The following ATE1 variants were observed in gnomAD, a reference collection of about 807,000 sequenced individuals.
ATE1 encodes the protein arginyltransferase 1, also known as arginyl-tRNA--protein transferase 1.
A neutral mutation model predicts 70.5 loss-of-function variants in ATE1; 36 were observed. The ratio of observed to expected loss-of-function variants is 0.51; its 90% confidence interval spans 0.39 to 0.67. The LOEUF is 0.67. ATE1 is among the 30% of genes least tolerant of loss of function. ATE1 has a pLI of 0.00. For missense variants in ATE1, 593 were observed against 629.5 expected, an observed-to-expected ratio of 0.94 and a Z score of 0.62; for synonymous variants, 232 against 219.3, an observed-to-expected ratio of 1.06 and a Z score of -0.51.
chr10:121,818,386 T>A (rs1026285707), intron 10 of ATE1, among the ~76,000 whole-genome samples: 6 of 149,152 alleles, frequency 4.0e-5, no homozygotes, highest in African/African-American at 7.4e-5. Flanking sequence ...GGCAAAAACA[T>A]CAGCACGTGA....
intron 10 of ATE1, among the ~76,000 whole-genome samples, chr10:121,820,235 AAT>A (rs1466702723): frequency 2.0e-5 from 3 of 152,218 alleles, no homozygotes; most frequent in African/African-American, 7.2e-5. Flanking sequence ...GTCACCTAAC[AAT>A]ATGATGAAAA....
rs1049349908 is a variant in ATE1, at chr10:121,743,785, A to C, written c.1452T>G (p.Val484=). Residue 484 remains valine (V), a synonymous_variant, in exon 12 of 12, where the codon GTT becomes GTG. Coordinates refer to ENST00000224652, the MANE Select transcript of ATE1 (RefSeq NM_001001976.3). ...FHKRAIMPYG[V]YKKQQKDPSE... ...TTGGGTCTTTCTGCTGTTTCTTATA[A>C]ACACCGTAAGGCATGATGGCTCTCT... 1.2e-6 allele frequency: 2 copies of C among 1,613,958 alleles called. No individual in the cohort carries two copies. Among genetic ancestry groups the C allele is most frequent in the African/African-American group, 2.7e-5 (2 of 74,864 alleles).
At chr10:121,902,022 C>T (rs1950999972) in intron 6 of ATE1, among the ~76,000 whole-genome samples, 1 of 152,080 alleles carries the variant, frequency 6.6e-6, no homozygotes, top group South Asian at 2.1e-4. Context: ...AGTGATTTGC[C>T]TTGTGTAATC....
intron 3 of ATE1, among the ~76,000 whole-genome samples, chr10:121,918,904 G>A (rs543521009): frequency 6.6e-6 from 1 of 152,078 alleles, no homozygotes; most frequent in Non-Finnish European, 1.5e-5. Flanking sequence ...CGCCCCAATC[G>A]GCGCTCTGTA....
chr10:121,897,700 C>T (rs923723623), intron 7 of ATE1, among the ~76,000 whole-genome samples: 3 of 152,000 alleles, frequency 2.0e-5, no homozygotes, highest in Non-Finnish European at 4.4e-5. Flanking sequence ...GTGGCACGCG[C>T]CTGTAGTCCC....
intron 11 of ATE1, among the ~76,000 whole-genome samples, chr10:121,747,635 C>T (rs1944423012): frequency 6.6e-6 from 1 of 152,194 alleles, no homozygotes; most frequent in African/African-American, 2.4e-5. Context: ...CTCAGCAACA[C>T]CACTGCCTGT....
intron 1 of ATE1, chr10:121,927,288 T>G: frequency 1.0e-6 from 1 of 984,214 alleles, no homozygotes; most frequent in Non-Finnish European, 1.2e-6. Flanking sequence ...ACAAACAGAA[T>G]CCCTCGCCGG....
chr10:121,748,027 TCAG>T (rs1436877969), intron 11 of ATE1, among the ~76,000 whole-genome samples: 1 of 152,192 alleles, frequency 6.6e-6, no homozygotes, highest in Non-Finnish European at 1.5e-5. Context: ...ATCGGTGAGA[TCAG>T]CAAGTGAAAA....
At chr10:121,829,868 C>A (rs1344420399) in intron 10 of ATE1, among the ~76,000 whole-genome samples, 2 of 152,140 alleles carry the variant, frequency 1.3e-5, no homozygotes, top group Non-Finnish European at 2.9e-5. Context: ...TACATACTTT[C>A]ATGCTAAGAA....
rs577432036 is a variant in ATE1, at chr10:121,766,928, G to A, written c.1379-23070C>T. Reference sequence around the variant, plus strand: ...AAACCCATTCCACACAATCCCTTTCGGAGAATAAAAGAGGAGGAAATCCAA... The same window carrying A: ...AAACCCATTCCACACAATCCCTTTCAGAGAATAAAAGAGGAGGAAATCCAA... On this transcript the variant is annotated intron_variant, in intron 11 of 11. Transcript: ENST00000224652. 1.3e-4 allele frequency among the ~76,000 whole-genome samples: 20 copies of A among 152,112 alleles called. No homozygotes were observed. The South Asian group carries it at 2.7e-3, about 21-fold the overall frequency.
intron 11 of ATE1, among the ~76,000 whole-genome samples, chr10:121,782,327 G>A (rs1251381110): frequency 6.6e-6 from 1 of 152,176 alleles, no homozygotes; most frequent in African/African-American, 2.4e-5. Flanking sequence ...AATATTTACA[G>A]ATAATTCACA....
rs545250299 is a variant in ATE1 at position 121,889,666 on chromosome 10, T to C, written c.942+10200A>G. Among the ~76,000 whole-genome samples the C allele has an allele frequency of 1.1e-4, 16 of 152,166 alleles. No homozygotes were observed. The South Asian group carries it at 2.1e-3, about 20-fold the overall frequency. On this transcript the variant is annotated intron_variant, in intron 7 of 11. Coordinates refer to ENST00000224652, the MANE Select transcript of ATE1 (RefSeq NM_001001976.3). Reference sequence around the variant, plus strand: ...AAAGGAAAAAAATTAAAAATTAGCCTGGCATGGTGGTCCACTCCTGTAGTC... The same window carrying C: ...AAAGGAAAAAAATTAAAAATTAGCCCGGCATGGTGGTCCACTCCTGTAGTC...
chr10:121,806,058 T>C (rs1362965588), intron 10 of ATE1, among the ~76,000 whole-genome samples: 1 of 152,180 alleles, frequency 6.6e-6, no homozygotes, highest in African/African-American at 2.4e-5. Flanking sequence ...AATAAAATTA[T>C]AAAGAAACAA....
intron 10 of ATE1, among the ~76,000 whole-genome samples, chr10:121,817,550 A>G (rs1267276173): frequency 1.3e-5 from 2 of 148,946 alleles, no homozygotes; most frequent in African/African-American, 4.9e-5. Context: ...AAAAAAAAAA[A>G]GAAGAGCTCA....
chr10:121,752,210 T>C (rs116641645), intron 11 of ATE1, among the ~76,000 whole-genome samples: 1,598 of 135,920 alleles, frequency 0.012, 39 homozygotes, highest in African/African-American at 0.041. Context: ...AAAAAAAAGA[T>C]TTACTCCAAT....
intron 10 of ATE1, among the ~76,000 whole-genome samples, chr10:121,804,551 T>C (rs1044453728): frequency 2.6e-5 from 4 of 152,120 alleles, no homozygotes; most frequent in African/African-American, 9.7e-5. Flanking sequence ...AGCCTGAAAT[T>C]ATGGTATTAG....
chr10:121,851,605 G>A (rs1052718532), intron 8 of ATE1, among the ~76,000 whole-genome samples: 1 of 152,120 alleles, frequency 6.6e-6, no homozygotes, highest in African/African-American at 2.4e-5. Flanking sequence ...TTGAGATGGA[G>A]TCTACAAAAT....
At chr10:121,893,866 G>C (rs778381688) in intron 7 of ATE1, among the ~76,000 whole-genome samples, 3 of 152,118 alleles carry the variant, frequency 2.0e-5, no homozygotes, top group Non-Finnish European at 4.4e-5. Context: ...GGCTGGGTGC[G>C]GTGGCTCATG....
chr10:121,826,003 T>C (rs1306718552), intron 10 of ATE1, among the ~76,000 whole-genome samples: 1 of 152,216 alleles, frequency 6.6e-6, no homozygotes, highest in African/African-American at 2.4e-5. Context: ...AGGAAAGAAA[T>C]TGACATATGT....
Sources: gnomAD v4.1 joint callset for allele counts (sites outside exome capture counted in the v4.1 genomes callset) on GRCh38, gnomAD v4.1.1 for gene constraint, MANE v1.5 for transcripts, NCBI Gene and HGNC (gene_info 2026-07-23, HGNC 2026-07-21) for gene names.